NEGR1: variants seen among roughly 807,000 people sequenced by gnomAD.
NEGR1 encodes the protein neuronal growth regulator 1.
In NEGR1, 10 loss-of-function variants were observed where a neutral mutation model predicts 40.9. The ratio of observed to expected loss-of-function variants is 0.24; its 90% CI spans 0.15 to 0.42. The LOEUF (loss-of-function observed/expected upper bound fraction) is 0.42. Among genes scored for constraint, NEGR1 ranks in the 10% least tolerant of loss-of-function variants. The pLI, the probability that NEGR1 is intolerant of heterozygous loss-of-function variation, is 1.00. For missense variants in NEGR1, 352 were observed against 438.9 expected (o/e 0.80, Z 1.77); for synonymous variants, 185 against 166.8 (o/e 1.11, Z -0.84).
At chr1:72,041,666 G>GA (rs1284236394) in intron 1 of NEGR1, among the ~76,000 whole-genome samples, 1 of 149,208 alleles carries the variant, frequency 6.7e-6, no homozygotes, top group Non-Finnish European at 1.5e-5. Flanking sequence ...GATTTTTGTT[G>GA]AAATGATTTA....
chr1:72,211,946 C>T (rs1653624192), intron 1 of NEGR1, among the ~76,000 whole-genome samples: 1 of 151,738 alleles, frequency 6.6e-6, no homozygotes, highest in Admixed American at 6.6e-5. Flanking sequence ...ATCTGCAATG[C>T]AAAGTGGTAA....
chr1:71,707,130 A>C, intron 3 of NEGR1, among the ~76,000 whole-genome samples: 1 of 152,066 alleles, frequency 6.6e-6, no homozygotes, highest in East Asian at 1.9e-4. Context: ...AAAGGAAAAA[A>C]AGGGGTCTTT....
At chr1:71,473,130 T>C (rs1239206075) in intron 6 of NEGR1, among the ~76,000 whole-genome samples, 2 of 152,084 alleles carry the variant, frequency 1.3e-5, no homozygotes, top group African/African-American at 4.8e-5. Flanking sequence ...AAGTAATACC[T>C]GATAAGATAA....
At chr1:72,140,920 C>A (rs1173073543) in intron 1 of NEGR1, among the ~76,000 whole-genome samples, 2 of 151,922 alleles carry the variant, frequency 1.3e-5, no homozygotes, top group Admixed American at 6.6e-5. Flanking sequence ...TAAAGTTACT[C>A]ATTTTTTCTA....
chr1:71,762,034 G>T (rs1230789420), intron 3 of NEGR1, among the ~76,000 whole-genome samples: 1 of 151,970 alleles, frequency 6.6e-6, no homozygotes, highest in Non-Finnish European at 1.5e-5. Context: ...TATTTTAAAT[G>T]GGGTAAAGGA....
At chr1:72,149,435 G>A (rs11587434) in intron 1 of NEGR1, among the ~76,000 whole-genome samples, 31,856 of 152,024 alleles carry the variant, frequency 0.21, 4,180 homozygotes, top group Middle Eastern at 0.36. Flanking sequence ...TAAAGCAGAC[G>A]AAGAAGCTTC....
intron 2 of NEGR1, among the ~76,000 whole-genome samples, chr1:71,778,498 C>A (rs1420924231): frequency 3.3e-5 from 5 of 152,066 alleles, no homozygotes; most frequent in African/African-American, 4.8e-5. Context: ...ATTGCATTTT[C>A]AATTTACAAT....
chr1:71,418,806 A>T (rs183346350), intron 6 of NEGR1, among the ~76,000 whole-genome samples: 14 of 152,076 alleles, frequency 9.2e-5, no homozygotes, highest in Admixed American at 9.2e-4. Flanking sequence ...CCGGCATCAT[A>T]TTTTTTCATC....
At chr1:71,809,830 T>C (rs1236338607) in intron 2 of NEGR1, among the ~76,000 whole-genome samples, 1 of 152,088 alleles carries the variant, frequency 6.6e-6, no homozygotes, top group Non-Finnish European at 1.5e-5. Context: ...TGGTTACAAG[T>C]ACATAAATTT....
intron 1 of NEGR1, among the ~76,000 whole-genome samples, chr1:72,163,764 A>AGATT (rs3080237): frequency 0.075 from 10,788 of 143,944 alleles, 810 homozygotes; most frequent in African/African-American, 0.13. Flanking sequence ...ATAGATAGAT[A>AGATT]TAGATTTAGA....
chr1:72,002,293 G>A (rs12126633), intron 1 of NEGR1, among the ~76,000 whole-genome samples: 14 of 151,994 alleles, frequency 9.2e-5, no homozygotes, highest in African/African-American at 3.1e-4. Flanking sequence ...ATGTTTCATA[G>A]GTGTGAGAAA....
chr1:71,446,488 C>T (rs1270212886), intron 6 of NEGR1, among the ~76,000 whole-genome samples: 4 of 151,950 alleles, frequency 2.6e-5, no homozygotes, highest in African/African-American at 9.7e-5. Context: ...GAATTGTGCA[C>T]AATACTATTG....
At chr1:72,058,827 T>C (rs921540080) in intron 1 of NEGR1, among the ~76,000 whole-genome samples, 1 of 151,612 alleles carries the variant, frequency 6.6e-6, no homozygotes, top group Non-Finnish European at 1.5e-5. Flanking sequence ...ATTAAAATGT[T>C]CAAATTGTTT....
At chr1:71,470,842 A>T (rs1263943091) in intron 6 of NEGR1, among the ~76,000 whole-genome samples, 1 of 152,090 alleles carries the variant, frequency 6.6e-6, no homozygotes, top group Non-Finnish European at 1.5e-5. Flanking sequence ...ATTTCTTTCT[A>T]ACTGATATAC....
chr1:72,048,081 CCTTT>C (rs1647019395), intron 1 of NEGR1, among the ~76,000 whole-genome samples: 1 of 151,528 alleles, frequency 6.6e-6, no homozygotes, highest in Admixed American at 6.6e-5. Flanking sequence ...TCTCCAATAG[CCTTT>C]CTATTTCACA....
chr1:71,770,696 G>T (rs1443661047), intron 3 of NEGR1, among the ~76,000 whole-genome samples: 1 of 152,080 alleles, frequency 6.6e-6, no homozygotes, highest in East Asian at 1.9e-4. Context: ...AAGACAATTT[G>T]ACCAAGAAAA....
intron 1 of NEGR1, among the ~76,000 whole-genome samples, chr1:72,069,594 T>C (rs1647379737): frequency 6.6e-6 from 1 of 152,114 alleles, no homozygotes; most frequent in African/African-American, 2.4e-5. Context: ...CACACACACA[T>C]GCACACATAG....
rs1646257598 is a variant in NEGR1, at chr1:71,403,283, G to C, written c.*4163C>G. On this transcript the variant is annotated 3_prime_UTR_variant, in exon 7 of 7. Transcript: ENST00000357731. Reference sequence around the variant, plus strand: ...AGGTATTTTTAAGGAAATTGTATCTGAATACCTTCAGGTGCCCGTTGTTTT... The same window carrying C: ...AGGTATTTTTAAGGAAATTGTATCTCAATACCTTCAGGTGCCCGTTGTTTT... The C allele has an allele frequency of 6.6e-6, 1 of 151,964 alleles. No homozygotes were observed. The highest frequency in any genetic ancestry group is 2.4e-5 in the African/African-American group (1 of 41,420). The allele number at this position is 151,964 out of a possible 1,614,324, so 9.4% of individuals were successfully genotyped here.
chr1:72,125,666 C>A (rs981804501), intron 1 of NEGR1, among the ~76,000 whole-genome samples: 1 of 151,968 alleles, frequency 6.6e-6, no homozygotes, highest in Non-Finnish European at 1.5e-5. Flanking sequence ...TAGCAGCTCA[C>A]GCTTATTGTA....
Sources: gnomAD v4.1 joint callset for allele counts (sites outside exome capture counted in the v4.1 genomes callset) on GRCh38, gnomAD v4.1.1 for gene constraint, MANE v1.5 for transcripts, NCBI Gene and HGNC (gene_info 2026-07-23, HGNC 2026-07-21) for gene names.